The following FHIT variants were observed in gnomAD, a reference collection of about 807,000 sequenced individuals.
FHIT encodes the protein fragile histidine triad diadenosine triphosphatase, also known as bis(5'-adenosyl)-triphosphatase.
FHIT carries 19 observed loss-of-function variants against 17.9 expected under a neutral mutation model. The ratio of observed to expected loss-of-function variants is 1.06; its 90% CI spans 0.74 to 1.56. The LOEUF is 1.56. FHIT is among the 40% of genes most tolerant of loss of function. The pLI is 0.00. For missense variants in FHIT, 248 were observed against 189.2 expected (o/e 1.31, Z -1.82); for synonymous variants, 81 against 69.7 (o/e 1.16, Z -0.81).
At chr3:59,952,083 C>T (rs1286164893) in intron 7 of FHIT, among the ~76,000 whole-genome samples, 2 of 152,226 alleles carry the variant, frequency 1.3e-5, no homozygotes, top group Non-Finnish European at 2.9e-5. Flanking sequence ...GTCCCTCCCA[C>T]AGCTTTGACT....
At chr3:61,207,118 C>T (rs922039452) in intron 1 of FHIT, among the ~76,000 whole-genome samples, 12 of 152,270 alleles carry the variant, frequency 7.9e-5, no homozygotes, top group Admixed American at 3.9e-4. Flanking sequence ...TGCTGGATTA[C>T]GTTAATTGAT....
intron 5 of FHIT, among the ~76,000 whole-genome samples, chr3:60,250,329 T>C (rs1177752744): frequency 2.6e-5 from 4 of 152,150 alleles, no homozygotes; most frequent in Non-Finnish European, 5.9e-5. Flanking sequence ...AAGATAAAAA[T>C]AGTCTGAGCA....
intron 4 of FHIT, among the ~76,000 whole-genome samples, chr3:60,793,489 G>A (rs1700861308): frequency 6.6e-6 from 1 of 152,126 alleles, no homozygotes; most frequent in South Asian, 2.1e-4. Flanking sequence ...TTTTAGTACA[G>A]ACAGCATTTT....
chr3:61,069,748 G>T (rs28478282), intron 2 of FHIT, among the ~76,000 whole-genome samples: 15,929 of 152,158 alleles, frequency 0.1, 2,511 homozygotes, highest in African/African-American at 0.34. Context: ...CCCACACATA[G>T]TATATGTTCA....
At chr3:59,938,277 C>T (rs1346210463) in intron 7 of FHIT, among the ~76,000 whole-genome samples, 1 of 152,090 alleles carries the variant, frequency 6.6e-6, no homozygotes, top group Non-Finnish European at 1.5e-5. Context: ...AAGACATACA[C>T]TAAGTGAAAT....
chr3:60,024,171 C>T (rs1402568983), intron 5 of FHIT, among the ~76,000 whole-genome samples: 1 of 152,092 alleles, frequency 6.6e-6, no homozygotes, highest in East Asian at 1.9e-4. Flanking sequence ...TAACAGTGTT[C>T]TATGCTTTTT....
At chr3:60,113,850 A>C (rs1491003910) in intron 5 of FHIT, among the ~76,000 whole-genome samples, 1 of 148,854 alleles carries the variant, frequency 6.7e-6, no homozygotes, top group African/African-American at 2.5e-5. Flanking sequence ...AAATACAAAA[A>C]AATTAGCTGG....
At chr3:59,787,379 A>G (rs988377234) in intron 8 of FHIT, among the ~76,000 whole-genome samples, 5 of 151,888 alleles carry the variant, frequency 3.3e-5, no homozygotes, top group African/African-American at 1.2e-4. Context: ...TCACGTACCC[A>G]TAACTATCAG....
intron 3 of FHIT, among the ~76,000 whole-genome samples, chr3:60,932,348 T>C (rs948868445): frequency 8.5e-5 from 13 of 152,136 alleles, no homozygotes; most frequent in Non-Finnish European, 1.2e-4. Context: ...TCCACCCACC[T>C]CTTCCTATCT....
Position 60,095,342 on chromosome 3 carries a change from G to T in FHIT, c.104-81190C>A, listed in dbSNP as rs569269514. On this transcript the variant is annotated intron_variant, in intron 5 of 9. Transcript: ENST00000492590. ...TGAAATCGTTCCCACACATTGGAAG[G>T]TTTTACCAAACCTTCTCTATTTATT... 2.6e-5 allele frequency among the ~76,000 whole-genome samples: 4 copies of T among 152,238 alleles called. No homozygotes were observed. The South Asian group carries it at 8.3e-4, about 32-fold the overall frequency.
chr3:60,823,938 T>C (rs1297184781), intron 3 of FHIT, among the ~76,000 whole-genome samples: 4 of 152,124 alleles, frequency 2.6e-5, no homozygotes, highest in African/African-American at 9.7e-5. Context: ...GTTTGTATGT[T>C]AGAACAGCAG....
At chr3:60,296,339 G>A (rs1293203785) in intron 5 of FHIT, among the ~76,000 whole-genome samples, 1 of 152,002 alleles carries the variant, frequency 6.6e-6, no homozygotes, top group Non-Finnish European at 1.5e-5. Context: ...ATCTTCACCA[G>A]CATTTAGTGT....
At chr3:60,496,452 C>A (rs992447202) in intron 5 of FHIT, among the ~76,000 whole-genome samples, 4 of 152,206 alleles carry the variant, frequency 2.6e-5, no homozygotes, top group African/African-American at 9.6e-5. Flanking sequence ...AATGTGGTAC[C>A]ATCTTTTACC....
At chr3:59,849,155 G>A (rs1256892025) in intron 8 of FHIT, among the ~76,000 whole-genome samples, 1 of 152,150 alleles carries the variant, frequency 6.6e-6, no homozygotes, top group African/African-American at 2.4e-5. Context: ...CAGATCACTT[G>A]AGGCCAGGAG....
chr3:60,330,087 G>A (rs1216774964), intron 5 of FHIT, among the ~76,000 whole-genome samples: 3 of 152,110 alleles, frequency 2.0e-5, no homozygotes, highest in East Asian at 3.9e-4. Flanking sequence ...TTTAGCAAAT[G>A]GCTGTGGAAT....
At chr3:61,081,565 G>T (rs1012420294) in intron 2 of FHIT, among the ~76,000 whole-genome samples, 12 of 152,022 alleles carry the variant, frequency 7.9e-5, no homozygotes, top group African/African-American at 2.9e-4. Context: ...GTCAATTCAG[G>T]GCACCATCCA....
At chr3:61,172,923 G>T (rs938516036) in intron 2 of FHIT, among the ~76,000 whole-genome samples, 1 of 152,226 alleles carries the variant, frequency 6.6e-6, no homozygotes, top group East Asian at 1.9e-4. Context: ...GGGCAGGCAG[G>T]TATCCTAAAC....
chr3:60,713,228 A>C (rs1553705656), intron 4 of FHIT, among the ~76,000 whole-genome samples: 3 of 150,834 alleles, frequency 2.0e-5, no homozygotes, highest in African/African-American at 7.3e-5. Flanking sequence ...TTTGAAACCA[A>C]CGAGAACAAA....
At chr3:60,310,169 G>C (rs967366204) in intron 5 of FHIT, among the ~76,000 whole-genome samples, 3 of 152,108 alleles carry the variant, frequency 2.0e-5, no homozygotes, top group Non-Finnish European at 2.9e-5. Flanking sequence ...AACCAAAATG[G>C]ATTTCATGGA....
Sources: allele counts gnomAD v4.1 joint callset (sites outside exome capture counted in the v4.1 genomes callset), GRCh38; gene constraint gnomAD v4.1.1; transcripts MANE v1.5; gene names NCBI Gene and HGNC (gene_info 2026-07-23, HGNC 2026-07-21).